Variants in PKP2 observed in about 807,000 individuals in gnomAD.
The protein encoded by PKP2 is plakophilin 2.
A neutral mutation model predicts 83.4 loss-of-function variants in PKP2; 73 were observed. The ratio of observed to expected loss-of-function variants is 0.88; its 90% CI spans 0.72 to 1.06. The LOEUF is 1.06. Ranked by LOEUF, PKP2 falls within the 50% of genes least tolerant of loss-of-function variation. PKP2 has a pLI of 0.00. For synonymous variants in PKP2, 409 were observed against 430.4 expected, an observed-to-expected ratio of 0.95 and a Z score of 0.62; for missense variants, 966 against 1,065.4, an observed-to-expected ratio of 0.91 and a Z score of 1.30.
chr12:32,796,266 T>C lies in PKP2; in HGVS notation c.2200A>G (p.Ile734Val), dbSNP rs556563706. ...KETLPDLVSI[I>V]PDTVPSTDLL... Reference sequence around the variant, plus strand: ...TCAGTACTCGGGACTGTGTCAGGAATGATGGAAACCAAATCAGGGAGAGTT... The same window carrying C: ...TCAGTACTCGGGACTGTGTCAGGAACGATGGAAACCAAATCAGGGAGAGTT... The change falls in exon 11 of 13, where the codon ATT becomes GTT. Residue 734 changes from isoleucine to valine, a missense_variant. Physicochemically the swap from Ile to Val is conservative, Grantham distance 29. Coordinates refer to ENST00000340811, the MANE Select transcript of PKP2 (RefSeq NM_001005242.3). The C allele has an allele frequency of 8.1e-6, 13 of 1,612,752 alleles. No individual in the cohort carries two copies. The East Asian group carries it at 2.5e-4, about 30-fold the overall frequency.
intron 5 of PKP2, among the ~76,000 whole-genome samples, chr12:32,844,767 G>A (rs1956631312): frequency 2.0e-5 from 3 of 152,128 alleles, no homozygotes; most frequent in Non-Finnish European, 4.4e-5. Context: ...TTCCAAATGA[G>A]CCCAGTGACA....
intron 2 of PKP2, among the ~76,000 whole-genome samples, 164 bp downstream of exon 2, chr12:32,878,756 C>G (rs553574077): frequency 3.9e-4 from 59 of 152,228 alleles, no homozygotes; most frequent in African/African-American, 1.4e-3. Flanking sequence ...TGTTTCACAT[C>G]CCTAGTTTTC....
rs750084387 is a variant in PKP2, at chr12:32,822,509, TTTG to T, written c.1794_1796del (p.Asn598del). 10 of 1,614,006 alleles carry T rather than the reference TTTG, an allele frequency of 6.2e-6. No individual in the cohort carries two copies. The African/African-American group carries it at 1.2e-4, about 19-fold the overall frequency. On this transcript the variant is annotated inframe_deletion, in exon 8 of 13. Coordinates refer to ENST00000340811, the MANE Select transcript of PKP2 (RefSeq NM_001005242.3). The stretch of plus-strand genomic sequence containing the variant: ...TTCGACTGCCAAAACATCCAATACT[TTTG>T]TTGTTGTCAGTCTGGATATTCCGGT...
chr12:32,851,380 T>C (rs1003383666), intron 4 of PKP2, among the ~76,000 whole-genome samples: 10 of 152,188 alleles, frequency 6.6e-5, no homozygotes, highest in Admixed American at 5.9e-4. Flanking sequence ...CAAAACTTTA[T>C]AGTCCATATA....
chr12:32,812,189 G>A (rs969711792), intron 9 of PKP2, among the ~76,000 whole-genome samples: 1 of 148,044 alleles, frequency 6.8e-6, no homozygotes, highest in Non-Finnish European at 1.5e-5. Flanking sequence ...ACTGTGACTC[G>A]TCACATAAGG....
intron 3 of PKP2, among the ~76,000 whole-genome samples, chr12:32,871,471 TTTTA>T (rs1456333148): frequency 6.6e-6 from 1 of 151,964 alleles, no homozygotes; most frequent in Non-Finnish European, 1.5e-5. Flanking sequence ...AATTTTTTTT[TTTTA>T]TTTTTTTTGA....
At position 32,822,502 on chromosome 12, in the gene PKP2, C is replaced by CAATACTTTTGTTGTTGTCA. The variant is rs1555142971; in HGVS notation, c.1785_1803dup (p.Gly602Ter). On this transcript the variant is annotated stop_gained and frameshift_variant, in exon 8 of 13. Transcript: ENST00000340811. LOFTEE classifies it high-confidence loss of function. ...TTCCTGCTTCGACTGCCAAAACATC[C>CAATACTTTTGTTGTTGTCA]AATACTTTTGTTGTTGTCAGTCTGG... 6.2e-7 allele frequency: 1 copy of CAATACTTTTGTTGTTGTCA among 1,614,106 alleles called. No homozygotes were observed. The highest frequency in any genetic ancestry group is 8.5e-7 in the Non-Finnish European group (1 of 1,180,026).
At chr12:32,846,035 C>T (rs1196037057) in intron 5 of PKP2, among the ~76,000 whole-genome samples, 1 of 152,104 alleles carries the variant, frequency 6.6e-6, no homozygotes, top group East Asian at 1.9e-4. Flanking sequence ...TTATTAAATA[C>T]AGCAATCCAA....
chr12:32,836,610 TA>T (rs1479367648), intron 6 of PKP2, among the ~76,000 whole-genome samples: 2 of 152,200 alleles, frequency 1.3e-5, no homozygotes, highest in Non-Finnish European at 2.9e-5. Flanking sequence ...TTTACTATAG[TA>T]ATCTAAATCA....
chr12:32,816,581 T>C (rs1956321990), intron 9 of PKP2, among the ~76,000 whole-genome samples: 1 of 152,166 alleles, frequency 6.6e-6, no homozygotes, highest in Admixed American at 6.5e-5. Context: ...TAGAATAATT[T>C]ATTTTCCTTT....
At chr12:32,808,727 T>A (rs1956248699) in intron 9 of PKP2, among the ~76,000 whole-genome samples, 3 of 152,094 alleles carry the variant, frequency 2.0e-5, no homozygotes, top group African/African-American at 2.4e-5. Flanking sequence ...TTTGTTGATG[T>A]TGTTGTTGTT....
At chr12:32,866,104 T>C (rs1037910403) in intron 4 of PKP2, among the ~76,000 whole-genome samples, 2 of 152,124 alleles carry the variant, frequency 1.3e-5, no homozygotes, top group African/African-American at 4.8e-5. Context: ...GGAGAAAATA[T>C]TTTCATATTA....
chr12:32,847,320 G>A (rs1256433677), intron 5 of PKP2, among the ~76,000 whole-genome samples: 1 of 152,192 alleles, frequency 6.6e-6, no homozygotes, highest in Non-Finnish European at 1.5e-5. Context: ...CAATTAGCAT[G>A]TAATGAACAC....
intron 9 of PKP2, among the ~76,000 whole-genome samples, chr12:32,812,930 T>G (rs908193252): frequency 6.6e-6 from 1 of 152,250 alleles, no homozygotes; most frequent in Non-Finnish European, 1.5e-5. Flanking sequence ...TTGATCGCAG[T>G]CCTTGCATTT....
chr12:32,809,030 G>A (rs1956252127), intron 9 of PKP2, among the ~76,000 whole-genome samples: 1 of 152,212 alleles, frequency 6.6e-6, no homozygotes, highest in Non-Finnish European at 1.5e-5. Context: ...GCTTAAAGAA[G>A]CAGTCTGGCT....
rs553098424 is a variant in PKP2 at position 32,877,981 on chromosome 12, G to A, written c.899C>T (p.Thr300Met). Residue 300 changes from threonine (T) to methionine (M), a missense_variant, in exon 3 of 13, where the codon ACG becomes ATG. Physicochemically the swap from Thr to Met is moderately conservative, Grantham distance 81 (BLOSUM62 -1). Coordinates refer to ENST00000340811, the MANE Select transcript of PKP2 (RefSeq NM_001005242.3). ...GACACTGGGCCCAGCTTCCCTCAGC[G>A]TGCGGGTGCTGTGGAAGGAGCTCTG... ...WHQSSFHSTRTLREAGPSVAV... is the reference protein window; with the variant it reads ...WHQSSFHSTRMLREAGPSVAV... The A allele has an allele frequency of 1.2e-6, 2 of 1,614,050 alleles. No individual in the cohort carries two copies. The highest frequency in any genetic ancestry group is 1.7e-6 in the Non-Finnish European group (2 of 1,180,000).
chr12:32,862,115 T>G (rs1248902722), intron 4 of PKP2, among the ~76,000 whole-genome samples: 3 of 152,172 alleles, frequency 2.0e-5, no homozygotes. Context: ...CAGGCCGGTC[T>G]TGAACTCCTG....
chr12:32,856,935 A>G (rs1334459013), intron 4 of PKP2, among the ~76,000 whole-genome samples: 1 of 152,126 alleles, frequency 6.6e-6, no homozygotes, highest in Non-Finnish European at 1.5e-5. Flanking sequence ...AACTATTTCT[A>G]CTTTATAGGT....
intron 1 of PKP2, among the ~76,000 whole-genome samples, chr12:32,881,163 T>G (rs1315316522): frequency 6.6e-6 from 1 of 152,232 alleles, no homozygotes; most frequent in African/African-American, 2.4e-5. Flanking sequence ...TAAATTATGT[T>G]TGTACACGTG....
Sources: gnomAD v4.1 joint callset for allele counts (sites outside exome capture counted in the v4.1 genomes callset) on GRCh38, gnomAD v4.1.1 for gene constraint, MANE v1.5 for transcripts, NCBI Gene and HGNC (gene_info 2026-07-23, HGNC 2026-07-21) for gene names.